The following SLC25A31 variants were observed in gnomAD, a reference collection of about 807,000 sequenced individuals.
SLC25A31 encodes ADP/ATP translocase 4.
SLC25A31 carries 40 observed loss-of-function variants against 36.2 expected under a neutral mutation model. The ratio of observed to expected loss-of-function variants is 1.10; its 90% CI spans 0.86 to 1.44. The LOEUF is 1.44. Ranked by LOEUF, SLC25A31 falls within the 40% of genes most tolerant of loss-of-function variation. The probability of loss-of-function intolerance (pLI) is 0.00; values close to 1 mark genes in which losing one functional copy is unlikely to be tolerated. For synonymous variants in SLC25A31, 143 were observed against 149.7 expected, an observed-to-expected ratio of 0.96 and a Z score of 0.32; for missense variants, 350 against 397.1, an observed-to-expected ratio of 0.88 and a Z score of 1.01.
At chr4:127,770,856 G>A (rs1225965690) in intron 5 of SLC25A31, among the ~76,000 whole-genome samples, 1 of 151,720 alleles carries the variant, frequency 6.6e-6, no homozygotes, top group Non-Finnish European at 1.5e-5. Flanking sequence ...GATGTCAGCA[G>A]ACTTGGTTTC....
chr4:127,737,901 TATAATC>T (rs1731663426), intron 1 of SLC25A31, among the ~76,000 whole-genome samples: 1 of 152,126 alleles, frequency 6.6e-6, no homozygotes, highest in Non-Finnish European at 1.5e-5. Context: ...TACTCAGCAA[TATAATC>T]ATAATTACAG....
intron 2 of SLC25A31, among the ~76,000 whole-genome samples, chr4:127,761,817 C>A (rs562098642): frequency 2.0e-5 from 3 of 152,196 alleles, no homozygotes; most frequent in East Asian, 1.9e-4. Flanking sequence ...TTAACTTTTC[C>A]TTTTCTGTCC....
intron 5 of SLC25A31, among the ~76,000 whole-genome samples, chr4:127,771,400 T>C (rs1732358346): frequency 6.6e-6 from 1 of 152,232 alleles, no homozygotes; most frequent in South Asian, 2.1e-4. Context: ...CAATATATGA[T>C]TTTAACAATT....
At chr4:127,743,206 C>T (rs1197248066) in intron 1 of SLC25A31, among the ~76,000 whole-genome samples, 1 of 150,756 alleles carries the variant, frequency 6.6e-6, no homozygotes, top group Non-Finnish European at 1.5e-5. Flanking sequence ...TCATAGCTCA[C>T]TGCAGCCTCT....
Position 127,744,813 on chromosome 4 carries a change from T to C in SLC25A31, c.360+14T>C. 7.0e-7 allele frequency: 1 copy of C among 1,437,508 alleles called. No individual in the cohort carries two copies. Among genetic ancestry groups the C allele is most frequent in the Non-Finnish European group, 9.3e-7 (1 of 1,071,884 alleles). 89.0% of individuals were successfully genotyped at this position (1,437,508 alleles called of 1,614,324 possible). On this transcript the variant is annotated intron_variant, in intron 2 of 5. Coordinates refer to ENST00000281154, the MANE Select transcript of SLC25A31 (RefSeq NM_031291.4). ...AAAGAAAAACAGGTAATTATATTTT[T>C]TTTTTACTTTTTTCTTCCAATATAG...
intron 1 of SLC25A31, among the ~76,000 whole-genome samples, chr4:127,733,721 G>C (rs1262322308): frequency 6.6e-6 from 1 of 152,026 alleles, no homozygotes; most frequent in Non-Finnish European, 1.5e-5. Context: ...GCACATCTCA[G>C]GTGTCCTGAA....
intron 2 of SLC25A31, among the ~76,000 whole-genome samples, chr4:127,757,784 C>T (rs1560637320): frequency 6.6e-6 from 1 of 152,132 alleles, no homozygotes; most frequent in African/African-American, 2.4e-5. Context: ...ACATGACTGA[C>T]ATATATCATT....
At chr4:127,761,906 G>A (rs1213514317) in intron 2 of SLC25A31, among the ~76,000 whole-genome samples, 4 of 152,096 alleles carry the variant, frequency 2.6e-5, no homozygotes, top group Non-Finnish European at 4.4e-5. Context: ...TTTTCTACCA[G>A]GTTACCAATC....
At chr4:127,730,816 G>A (rs762580784) in intron 1 of SLC25A31, 39 bp downstream of exon 1, 8 of 1,550,016 alleles carry the variant, frequency 5.2e-6, no homozygotes, top group Non-Finnish European at 7.0e-6. Context: ...CTCTCCCGGC[G>A]CCCTCGTCAG....
chr4:127,740,281 C>T (rs940767139), intron 1 of SLC25A31, among the ~76,000 whole-genome samples: 6 of 152,058 alleles, frequency 3.9e-5, no homozygotes, highest in South Asian at 4.1e-4. Context: ...CTCTTTCCCC[C>T]TCCTCCCTTG....
chr4:127,754,869 TG>T (rs1427725623), intron 2 of SLC25A31, among the ~76,000 whole-genome samples: 1 of 152,178 alleles, frequency 6.6e-6, no homozygotes, highest in Non-Finnish European at 1.5e-5. Context: ...AGAACAGAGC[TG>T]GAGCTATCAT....
rs1345012855 is a variant in SLC25A31, at chr4:127,735,880, A to AT, written c.232+5106dup. On this transcript the variant is annotated intron_variant, in intron 1 of 5. Transcript: ENST00000281154. The stretch of plus-strand genomic sequence containing the variant: ...TAACATTCTTTTATTTTATTTATTT[A>AT]TTTATTTATTTATTTATTTTTTTTT... Among the ~76,000 whole-genome samples, 369 of 69,812 alleles carry AT rather than the reference A, an allele frequency of 5.3e-3. 11 individuals are homozygous for AT. The highest frequency in any genetic ancestry group is 0.039 in the East Asian group (84 of 2,178). The allele number at this position is 69,812 out of a possible 152,430, so 45.8% of individuals were successfully genotyped here.
Position 127,768,750 on chromosome 4 carries a change from AG to A in SLC25A31, c.635del. 6.3e-7 allele frequency: 1 copy of A among 1,586,382 alleles called. No homozygotes were observed. ...GTTACTTGGCACATTTTTCTTTTCT[AG>A]GGTTTATTACCAAAGCCAAAGAAAA... On this transcript the variant is annotated splice_acceptor_variant, in intron 4 of 5. Coordinates refer to ENST00000281154, the MANE Select transcript of SLC25A31 (RefSeq NM_031291.4). LOFTEE classifies it high-confidence loss of function.
At chr4:127,738,368 G>T (rs1053547133) in intron 1 of SLC25A31, among the ~76,000 whole-genome samples, 1 of 152,094 alleles carries the variant, frequency 6.6e-6, no homozygotes, top group African/African-American at 2.4e-5. Flanking sequence ...GATTATAGAT[G>T]TGAGCCACCA....
chr4:127,747,148 T>G (rs535705642), intron 2 of SLC25A31, among the ~76,000 whole-genome samples: 3 of 152,312 alleles, frequency 2.0e-5, no homozygotes, highest in Admixed American at 1.3e-4. Flanking sequence ...GTTCTTGTCT[T>G]AGTACCATGC....
At chr4:127,764,875 A>G (rs1194784212) in intron 3 of SLC25A31, among the ~76,000 whole-genome samples, 1 of 152,184 alleles carries the variant, frequency 6.6e-6, no homozygotes, top group Admixed American at 6.5e-5. Flanking sequence ...ACCCTCTCAA[A>G]AAGGGTAAGA....
intron 2 of SLC25A31, among the ~76,000 whole-genome samples, chr4:127,748,447 C>G (rs943146586): frequency 2.0e-5 from 3 of 152,144 alleles, no homozygotes; most frequent in Admixed American, 2.0e-4. Flanking sequence ...AGTCAGTACT[C>G]CCTTCCCAGG....
intron 5 of SLC25A31, among the ~76,000 whole-genome samples, chr4:127,771,706 G>A (rs1463175393): frequency 6.6e-6 from 1 of 152,172 alleles, no homozygotes; most frequent in Non-Finnish European, 1.5e-5. Context: ...AATGACGTCA[G>A]TGTTACATAA....
intron 2 of SLC25A31, among the ~76,000 whole-genome samples, chr4:127,762,318 C>G (rs762251761): frequency 1.3e-5 from 2 of 151,976 alleles, no homozygotes; most frequent in Non-Finnish European, 2.9e-5. Context: ...TGAAGGAAAC[C>G]AGTCAAAAAA....
Sources: gnomAD v4.1 joint callset for allele counts (sites outside exome capture counted in the v4.1 genomes callset) on GRCh38, gnomAD v4.1.1 for gene constraint, MANE v1.5 for transcripts, NCBI Gene and HGNC (gene_info 2026-07-23, HGNC 2026-07-21) for gene names.